Variants in MAP3K19 observed in about 807,000 individuals in gnomAD.
MAP3K19 encodes mitogen-activated protein kinase kinase kinase 19, also known as SPS1/STE20-related protein kinase YSK4.
Under a neutral mutation model 114.4 loss-of-function variants are expected in MAP3K19, and 91 were observed. The ratio of observed to expected loss-of-function variants is 0.80; its 90% CI spans 0.67 to 0.95. MAP3K19 has a LOEUF of 0.95. MAP3K19 is among the 40% of genes least tolerant of loss of function. The pLI, the probability that MAP3K19 is intolerant of heterozygous loss-of-function variation, is 0.00. For synonymous variants in MAP3K19, 518 were observed against 530.5 expected, an observed-to-expected ratio of 0.98 and a Z score of 0.32; for missense variants, 1,471 against 1,573.2, an observed-to-expected ratio of 0.94 and a Z score of 1.10.
At chr2:134,975,636 C>G (rs1684186787) in intron 12 of MAP3K19, among the ~76,000 whole-genome samples, 1 of 152,112 alleles carries the variant, frequency 6.6e-6, no homozygotes, top group South Asian at 2.1e-4. Flanking sequence ...TATAGCCCTG[C>G]TACTGGTGGA....
intron 9 of MAP3K19, chr2:134,991,319 AAACAAAAC>A: frequency 1.8e-6 from 1 of 549,934 alleles, no homozygotes; most frequent in Non-Finnish European, 3.3e-6. Context: ...AAACAAAACA[AAACAAAAC>A]AAAACAAAAC....
At position 134,988,006 on chromosome 2, in the gene MAP3K19, A is replaced by G. The variant is rs778203937; in HGVS notation, c.866T>C (p.Met289Thr). Residue 289 changes from methionine (M) to threonine (T), a missense_variant, in exon 10 of 13, where the codon ATG (methionine) becomes ACG (threonine). By Grantham distance (81) the Met-to-Thr change is moderately conservative (BLOSUM62 -1). Transcript: ENST00000392915. ...SSDGFIWSRNMCSFPKTNHHR... is the reference protein window; with the variant it reads ...SSDGFIWSRNTCSFPKTNHHR... ...ATGGTTAGTCTTAGGAAAAGAGCAC[A>G]TGTTTCTTGACCAAATGAAGCCATC... 3 of 1,614,048 alleles carry G rather than the reference A, an allele frequency of 1.9e-6. No individual in the cohort carries two copies. The highest frequency in any genetic ancestry group is 2.5e-6 in the Non-Finnish European group (3 of 1,180,044).
At chr2:135,042,040 T>C (rs1688656431) in intron 1 of MAP3K19, among the ~76,000 whole-genome samples, 1 of 152,200 alleles carries the variant, frequency 6.6e-6, no homozygotes, top group South Asian at 2.1e-4. Context: ...AGATGCTATA[T>C]GCCCTTCAGC....
chr2:134,981,477 T>C lies in MAP3K19; in HGVS notation c.3264A>G (p.Val1088=), dbSNP rs1453832518. 3 of 1,614,114 alleles carry C rather than the reference T, an allele frequency of 1.9e-6. No homozygotes were observed. The highest frequency in any genetic ancestry group is 1.6e-4 in the Middle Eastern group (1 of 6,084). Residue 1088 remains valine (V), a synonymous_variant, in exon 12 of 13, where the codon GTA becomes GTG. Coordinates refer to ENST00000392915, the MANE Select transcript of MAP3K19 (RefSeq NM_025052.5). The part of the protein sequence containing the change: ...GLTSQGQLIA[V]KQVALDTSNK... ...TAGAGGTATCCAAAGCCACCTGTTT[T>C]ACAGCTATTAGCTGTCCTTGACTAG...
At chr2:135,019,542 G>A (rs925227245) in intron 5 of MAP3K19, among the ~76,000 whole-genome samples, 1 of 152,156 alleles carries the variant, frequency 6.6e-6, no homozygotes, top group African/African-American at 2.4e-5. Flanking sequence ...GTCCCAGCTA[G>A]TCAGGAGGCT....
At chr2:135,039,454 C>T (rs1269518788) in intron 2 of MAP3K19, among the ~76,000 whole-genome samples, 3 of 151,260 alleles carry the variant, frequency 2.0e-5, no homozygotes, top group Non-Finnish European at 2.9e-5. Context: ...TGGTGGTATG[C>T]GTCTGTAATT....
intron 10 of MAP3K19, among the ~76,000 whole-genome samples, chr2:134,984,841 A>G (rs529626278): frequency 5.3e-5 from 8 of 152,272 alleles, no homozygotes; most frequent in Non-Finnish European, 8.8e-5. Context: ...AATCCCAGCT[A>G]CTTGGGAGGC....
intron 8 of MAP3K19, among the ~76,000 whole-genome samples, chr2:134,994,515 G>A (rs1454155608): frequency 6.6e-6 from 1 of 152,202 alleles, no homozygotes; most frequent in Admixed American, 6.5e-5. Flanking sequence ...GGGTATGGCT[G>A]GGAGCAGAAA....
At chr2:135,019,349 C>G (rs1687814821) in intron 5 of MAP3K19, among the ~76,000 whole-genome samples, 1 of 152,006 alleles carries the variant, frequency 6.6e-6, no homozygotes, top group South Asian at 2.1e-4. Context: ...AAGCATATAC[C>G]TAGAATATAT....
intron 9 of MAP3K19, among the ~76,000 whole-genome samples, chr2:134,990,532 G>A (rs1382712926): frequency 3.3e-5 from 5 of 150,922 alleles, no homozygotes; most frequent in Admixed American, 6.6e-5. Flanking sequence ...GCTGGAGTCC[G>A]GTGGCATGAT....
At chr2:135,042,391 A>G (rs987976548) in intron 1 of MAP3K19, among the ~76,000 whole-genome samples, 1 of 150,782 alleles carries the variant, frequency 6.6e-6, no homozygotes, top group Non-Finnish European at 1.5e-5. Flanking sequence ...AGTCCCAGCT[A>G]CTCTGGAGGC....
chr2:135,044,551 T>C (rs1163332141), intron 1 of MAP3K19, among the ~76,000 whole-genome samples: 1 of 152,076 alleles, frequency 6.6e-6, no homozygotes, highest in Non-Finnish European at 1.5e-5. Flanking sequence ...GATTGCACCA[T>C]TGCACTCCAG....
At chr2:135,000,602 A>T in intron 6 of MAP3K19, among the ~76,000 whole-genome samples, 1 of 152,192 alleles carries the variant, frequency 6.6e-6, no homozygotes. Flanking sequence ...ACGAACTTTT[A>T]TTAAGGATAT....
In MAP3K19 at chr2:134,981,065, A is replaced by T. The variant is rs763233538; in HGVS notation, c.3676T>A (p.Ser1226Thr). 4 of 1,614,076 alleles carry T rather than the reference A, an allele frequency of 2.5e-6. No individual in the cohort carries two copies. The highest frequency in any genetic ancestry group is 3.4e-6 in the Non-Finnish European group (4 of 1,180,032). ...LNGTHSDMLK[S>T]MHGTPYWMAP... ...ATCCAATATGGAGTCCCATGCATGG[A>T]CTTAAGCATGTCACTGTGGGTGCCA... The change falls in exon 12 of 13, where the codon TCC becomes ACC. Residue 1226 changes from serine (S) to threonine (T), a missense_variant. By Grantham distance (58) the Ser-to-Thr change is moderately conservative. Transcript: ENST00000392915.
Position 134,991,584 on chromosome 2 carries a change from C to A in MAP3K19, c.575-4G>T, listed in dbSNP as rs781407268. 1.9e-6 allele frequency: 3 copies of A among 1,610,754 alleles called. No individual in the cohort carries two copies. Among genetic ancestry groups the A allele is most frequent in the East Asian group, 2.2e-5 (1 of 44,740 alleles). Reference sequence around the variant, plus strand: ...TTCATATGAGAGGTCGAAAACTCTACAACAAGAAAAACAATAACTGGATAT... The same window carrying A: ...TTCATATGAGAGGTCGAAAACTCTAAAACAAGAAAAACAATAACTGGATAT... On this transcript the variant is annotated splice_polypyrimidine_tract_variant and splice_region_variant and intron_variant, in intron 8 of 12. Coordinates refer to ENST00000392915, the MANE Select transcript of MAP3K19 (RefSeq NM_025052.5).
chr2:135,021,451 AACTG>A (rs887669231), intron 5 of MAP3K19, among the ~76,000 whole-genome samples: 3 of 150,038 alleles, frequency 2.0e-5, no homozygotes, highest in Admixed American at 1.3e-4. Flanking sequence ...TAGCAGCCAG[AACTG>A]ACTAAGACAC....
intron 10 of MAP3K19, 108 bp downstream of exon 10, chr2:134,985,692 T>G: frequency 9.8e-7 from 1 of 1,017,800 alleles, no homozygotes; most frequent in South Asian, 2.0e-5. Context: ...AAAAAACTAT[T>G]TAATTGTTTA....
chr2:135,023,483 C>G (rs763774940), intron 4 of MAP3K19: 6 of 533,340 alleles, frequency 1.1e-5, no homozygotes, highest in Non-Finnish European at 2.3e-5. Context: ...TCCCACAAGC[C>G]CAGTCCTACA....
At chr2:134,977,852 T>C (rs556194832) in intron 12 of MAP3K19, among the ~76,000 whole-genome samples, 1 of 152,124 alleles carries the variant, frequency 6.6e-6, no homozygotes, top group African/African-American at 2.4e-5. Flanking sequence ...GCTCGGTGAC[T>C]TCCCCCCTGT....
Sources: allele counts gnomAD v4.1 joint callset (sites outside exome capture counted in the v4.1 genomes callset), GRCh38; gene constraint gnomAD v4.1.1; transcripts MANE v1.5; gene names NCBI Gene and HGNC (gene_info 2026-07-23, HGNC 2026-07-21).